Variants in ASTN2 observed in about 807,000 individuals in gnomAD.
ASTN2 encodes astrotactin-2.
A neutral mutation model predicts 139.8 loss-of-function variants in ASTN2; 54 were observed. That is an observed-to-expected ratio of 0.39 (90% CI 0.31 to 0.48). The LOEUF (loss-of-function observed/expected upper bound fraction) is 0.48, where lower values mean the gene tolerates loss of function less well. ASTN2 is among the 20% of genes least tolerant of loss of function. ASTN2 has a pLI of 0.95. For missense variants in ASTN2, 1,565 were observed against 1,725.1 expected, an observed-to-expected ratio of 0.91 and a Z score of 1.64; for synonymous variants, 756 against 719.5, an observed-to-expected ratio of 1.05 and a Z score of -0.81.
At position 117,128,952 on chromosome 9, in the gene ASTN2, G is replaced by T. The variant is rs145329299; in HGVS notation, c.1168+12374C>A. Among the ~76,000 whole-genome samples the T allele has an allele frequency of 8.7e-3, 1,327 of 152,224 alleles. 16 individuals are homozygous for T. Among genetic ancestry groups the T allele is most frequent in the African/African-American group, 0.031 (1,272 of 41,536 alleles). On this transcript the variant is annotated intron_variant, in intron 4 of 22. Transcript: ENST00000313400. ...TATTCGCTCCCATGAGAACAGTATG[G>T]GGGAAACTGCCCCCATGATTCATTT...
intron 11 of ASTN2, among the ~76,000 whole-genome samples, chr9:116,854,070 C>T (rs1454599799): frequency 6.6e-6 from 1 of 152,138 alleles, no homozygotes; most frequent in East Asian, 1.9e-4. Context: ...GCCCGAATTC[C>T]CTGCTCTAGA....
chr9:117,184,625 C>T (rs1005069750), intron 3 of ASTN2, among the ~76,000 whole-genome samples: 1 of 152,132 alleles, frequency 6.6e-6, no homozygotes, highest in African/African-American at 2.4e-5. Context: ...GATAAGAGTT[C>T]GCATGAGAGA....
At chr9:116,447,127 C>A (rs1218394896) in intron 20 of ASTN2, among the ~76,000 whole-genome samples, 1 of 152,150 alleles carries the variant, frequency 6.6e-6, no homozygotes, top group African/African-American at 2.4e-5. Flanking sequence ...ATGGATCCCA[C>A]CTCTGAACCT....
At chr9:116,780,669 T>C (rs1008075904) in intron 13 of ASTN2, among the ~76,000 whole-genome samples, 2 of 152,270 alleles carry the variant, frequency 1.3e-5, no homozygotes, top group South Asian at 2.1e-4. Flanking sequence ...GTATCTATCA[T>C]AGTAGCTTTC....
chr9:116,857,833 G>A (rs1270429518), intron 11 of ASTN2, among the ~76,000 whole-genome samples: 3 of 152,110 alleles, frequency 2.0e-5, no homozygotes, highest in Admixed American at 6.5e-5. Context: ...CCTTGAATCT[G>A]GGCTGACCTT....
intron 1 of ASTN2, among the ~76,000 whole-genome samples, chr9:117,381,585 C>T (rs1204919062): frequency 6.6e-6 from 1 of 152,144 alleles, no homozygotes; most frequent in Non-Finnish European, 1.5e-5. Flanking sequence ...AAGAAGCCTG[C>T]TCTTGCTTTG....
At position 117,414,672 on chromosome 9, in the gene ASTN2, C is replaced by T; in HGVS notation, c.267G>A (p.Gly89=). Residue 89 remains glycine, a synonymous_variant, in exon 1 of 23, where the codon GGG becomes GGA. Transcript: ENST00000313400. The surrounding 1 kb of genome is among the most constrained non-coding windows in gnomAD (Gnocchi z 4.2). ...CTCCGGCCCCGGTCCCAGCCCCGGC[C>T]CCGGCGCGGGCGCCGCTCCAGCCGA... is the stretch of plus-strand genomic sequence containing the variant. ...SDIGWSGARA[G]AGAGTGAGAA... 2.4e-6 allele frequency: 3 copies of T among 1,257,750 alleles called. No homozygotes were observed. Among genetic ancestry groups the T allele is most frequent in the Non-Finnish European group, 3.0e-6 (3 of 1,005,850 alleles). 77.9% of individuals were successfully genotyped at this position (1,257,750 alleles called of 1,614,324 possible).
At chr9:116,565,399 A>ATT (rs1853164852) in intron 19 of ASTN2, among the ~76,000 whole-genome samples, 1 of 65,002 alleles carries the variant, frequency 1.5e-5, no homozygotes, top group African/African-American at 7.4e-5. Context: ...ATATATATAT[A>ATT]TATATATATA....
intron 19 of ASTN2, among the ~76,000 whole-genome samples, chr9:116,607,030 A>G (rs1382927810): frequency 6.6e-6 from 1 of 152,222 alleles, no homozygotes; most frequent in Non-Finnish European, 1.5e-5. Flanking sequence ...GATAAAGGTG[A>G]CACAGAAGCA....
intron 11 of ASTN2, among the ~76,000 whole-genome samples, chr9:116,825,146 G>A (rs1171100087): frequency 6.6e-6 from 1 of 152,152 alleles, no homozygotes; most frequent in Non-Finnish European, 1.5e-5. Flanking sequence ...ATAAATAGAG[G>A]AGCCAGTTTG....
chr9:116,535,649 G>A (rs1000824184), intron 19 of ASTN2, among the ~76,000 whole-genome samples: 4 of 152,096 alleles, frequency 2.6e-5, no homozygotes, highest in African/African-American at 7.2e-5. Context: ...ATTCTGGGTG[G>A]AAAATTCTTT....
chr9:117,116,023 T>A (rs1414341499), intron 4 of ASTN2, among the ~76,000 whole-genome samples: 7 of 105,866 alleles, frequency 6.6e-5, no homozygotes, highest in African/African-American at 2.4e-4. Context: ...AGACTCCGCC[T>A]CAAAAAAAAA....
intron 12 of ASTN2, among the ~76,000 whole-genome samples, chr9:116,810,797 G>T (rs893042906): frequency 1.3e-5 from 2 of 152,090 alleles, no homozygotes; most frequent in African/African-American, 2.4e-5. Context: ...AATTTGATAA[G>T]TCTTGCCTAT....
intron 10 of ASTN2, among the ~76,000 whole-genome samples, chr9:116,948,785 GTTTTT>G (rs58832163): frequency 2.0e-5 from 1 of 49,470 alleles, no homozygotes; most frequent in African/African-American, 8.6e-5. Flanking sequence ...ATAATTTGGT[GTTTTT>G]TTTTTTTTTT....
intron 16 of ASTN2, among the ~76,000 whole-genome samples, chr9:116,678,940 G>C (rs923508182): frequency 1.3e-5 from 2 of 152,070 alleles, no homozygotes; most frequent in African/African-American, 4.8e-5. Flanking sequence ...CATGAAATTT[G>C]GTTTTCTCTT....
intron 5 of ASTN2, among the ~76,000 whole-genome samples, chr9:117,093,680 C>A (rs1828762432): frequency 6.6e-6 from 1 of 152,184 alleles, no homozygotes; most frequent in Non-Finnish European, 1.5e-5. Flanking sequence ...GCGGGACTTG[C>A]AGACTGAGAC....
At chr9:117,143,685 G>A (rs1036378770) in intron 3 of ASTN2, among the ~76,000 whole-genome samples, 5 of 152,090 alleles carry the variant, frequency 3.3e-5, no homozygotes, top group African/African-American at 1.2e-4. Flanking sequence ...CAGTTATGGA[G>A]GCTGAAAGTC....
At chr9:116,743,877 A>G (rs1034408528) in intron 13 of ASTN2, among the ~76,000 whole-genome samples, 6 of 152,224 alleles carry the variant, frequency 3.9e-5, no homozygotes, top group African/African-American at 1.4e-4. Context: ...TTAAGACAAC[A>G]GTGTTTTTGT....
intron 2 of ASTN2, among the ~76,000 whole-genome samples, chr9:117,223,691 CAACA>C (rs1832605587): frequency 6.6e-6 from 1 of 152,046 alleles, no homozygotes; most frequent in African/African-American, 2.4e-5. Context: ...GAAAAAGGCA[CAACA>C]AATAAGAATT....
Sources: gnomAD v4.1 joint callset for allele counts (sites outside exome capture counted in the v4.1 genomes callset) on GRCh38, gnomAD v4.1.1 for gene constraint, Gnocchi (gnomAD v3.1) non-coding constraint, MANE v1.5 for transcripts, NCBI Gene and HGNC (gene_info 2026-07-23, HGNC 2026-07-21) for gene names.